Variants in SPTLC1 observed in about 807,000 individuals in gnomAD.
SPTLC1 encodes serine palmitoyltransferase long chain base subunit 1.
SPTLC1 carries 55 observed loss-of-function variants against 68.9 expected under a neutral mutation model. The ratio of observed to expected loss-of-function variants is 0.80; its 90% CI spans 0.64 to 1.00. The LOEUF (loss-of-function observed/expected upper bound fraction) is 1.00. SPTLC1 is among the 50% of genes least tolerant of loss of function. The pLI is 0.00. For missense variants in SPTLC1, 449 were observed against 573.1 expected (o/e 0.78, Z 2.21); for synonymous variants, 197 against 201.6 (o/e 0.98, Z 0.19).
At chr9:92,091,345 A>G (rs1835354245) in intron 3 of SPTLC1, among the ~76,000 whole-genome samples, 1 of 152,232 alleles carries the variant, frequency 6.6e-6, no homozygotes, top group African/African-American at 2.4e-5. Context: ...TTTGAGGGAT[A>G]GCAACATACA....
At chr9:92,075,517 C>CAGGGCT (rs1834651758) in intron 5 of SPTLC1, among the ~76,000 whole-genome samples, 1 of 152,210 alleles carries the variant, frequency 6.6e-6, no homozygotes, top group South Asian at 2.1e-4. Context: ...AGCAAAAACG[C>CAGGGCT]AGGGCTGCGC....
At chr9:92,083,159 G>A (rs1390117262) in intron 3 of SPTLC1, among the ~76,000 whole-genome samples, 1 of 151,780 alleles carries the variant, frequency 6.6e-6, no homozygotes, top group Non-Finnish European at 1.5e-5. Context: ...CAGATGAGTA[G>A]GTTGTGAAAA....
At position 92,046,931 on chromosome 9, in the gene SPTLC1, C is replaced by A. The variant is rs184371310; in HGVS notation, c.1081+241G>T. ...GCCCCTCGTCCTCCCAGCATCTCCACCCACTATCTGAGCTAGCCTTGCTTT... is the reference window on the plus strand; with the variant it reads ...GCCCCTCGTCCTCCCAGCATCTCCAACCACTATCTGAGCTAGCCTTGCTTT... On this transcript the variant is annotated intron_variant, in intron 11 of 14. Coordinates refer to ENST00000262554, the MANE Select transcript of SPTLC1 (RefSeq NM_006415.4). Among the ~76,000 whole-genome samples the A allele has an allele frequency of 2.0e-5, 3 of 152,344 alleles. No individual in the cohort carries two copies. The East Asian group carries it at 5.8e-4, about 29-fold the overall frequency.
At chr9:92,104,565 G>C in intron 3 of SPTLC1, 1 of 1,472,806 alleles carries the variant, frequency 6.8e-7, no homozygotes, top group Non-Finnish European at 9.2e-7. Flanking sequence ...AGCCCCGTGA[G>C]GATCTCTTGT....
intron 9 of SPTLC1, 50 bp from the exon 10 acceptor site, chr9:92,047,758 A>AT (rs1396482583): frequency 6.7e-6 from 9 of 1,351,050 alleles, no homozygotes; most frequent in Non-Finnish European, 9.5e-6. Flanking sequence ...AAGAAAAAAA[A>AT]GGCCAACTTC....
intron 3 of SPTLC1, among the ~76,000 whole-genome samples, chr9:92,083,794 T>C (rs1834996874): frequency 6.6e-6 from 1 of 152,050 alleles, no homozygotes; most frequent in Non-Finnish European, 1.5e-5. Flanking sequence ...ATTGGTAGCT[T>C]GATGGGGATG....
At chr9:92,077,061 C>T (rs1044054249) in intron 5 of SPTLC1, 1 of 152,152 alleles carries the variant, frequency 6.6e-6, no homozygotes, top group African/African-American at 2.4e-5. Context: ...AAGCCAAGGA[C>T]CTTTTAAAAA....
intron 13 of SPTLC1, among the ~76,000 whole-genome samples, chr9:92,037,888 C>T (rs1211444251): frequency 6.6e-6 from 1 of 152,194 alleles, no homozygotes; most frequent in African/African-American, 2.4e-5. Flanking sequence ...ATGCCTCCCC[C>T]AACTACACAT....
At chr9:92,107,454 A>G (rs1193138824) in intron 3 of SPTLC1, among the ~76,000 whole-genome samples, 1 of 152,222 alleles carries the variant, frequency 6.6e-6, no homozygotes, top group African/African-American at 2.4e-5. Flanking sequence ...CCAAACTATA[A>G]AAGATTGGTA....
chr9:92,103,669 G>A (rs1473536595), intron 3 of SPTLC1, among the ~76,000 whole-genome samples: 2 of 152,254 alleles, frequency 1.3e-5, no homozygotes, highest in African/African-American at 4.8e-5. Context: ...AGCAAGGCTG[G>A]TGGCCCTTGA....
intron 8 of SPTLC1, chr9:92,051,072 A>ACG: frequency 5.1e-6 from 5 of 985,106 alleles, no homozygotes; most frequent in Non-Finnish European, 6.0e-6. Context: ...CCTATAATAT[A>ACG]CGTCCTAGTA....
At chr9:92,049,373 T>C (rs979438854) in intron 9 of SPTLC1, among the ~76,000 whole-genome samples, 3 of 152,072 alleles carry the variant, frequency 2.0e-5, no homozygotes, top group East Asian at 3.9e-4. Context: ...CAAAACCCAC[T>C]AGGCACTGCG....
chr9:92,044,944 T>C (rs777199224), intron 12 of SPTLC1, among the ~76,000 whole-genome samples: 7 of 152,206 alleles, frequency 4.6e-5, no homozygotes, highest in South Asian at 2.1e-4. Context: ...GTTAACACCA[T>C]AGAGTGAAAG....
intron 5 of SPTLC1, among the ~76,000 whole-genome samples, chr9:92,071,597 C>A (rs1454865062): frequency 6.6e-6 from 1 of 152,166 alleles, no homozygotes; most frequent in South Asian, 2.1e-4. Context: ...CCCACTTACA[C>A]CTGAGAAAAC....
intron 11 of SPTLC1, 139 bp from the exon 12 acceptor site, chr9:92,046,192 C>T: frequency 1.3e-6 from 1 of 781,164 alleles, no homozygotes; most frequent in Non-Finnish European, 2.1e-6. Flanking sequence ...GCCAAGAACC[C>T]ATACTCCCCT....
chr9:92,049,898 A>G (rs1833649090), intron 9 of SPTLC1, 62 bp downstream of exon 9: 2 of 1,089,996 alleles, frequency 1.8e-6, no homozygotes, highest in African/African-American at 3.1e-5. Flanking sequence ...ATATAGGCCT[A>G]GCAGAATGGA....
intron 3 of SPTLC1, among the ~76,000 whole-genome samples, chr9:92,100,526 T>G (rs1835708415): frequency 6.6e-6 from 1 of 152,146 alleles, no homozygotes; most frequent in Non-Finnish European, 1.5e-5. Flanking sequence ...TGTGGACCGA[T>G]TACTGATTTA....
At chr9:92,086,058 T>C (rs1350969033) in intron 3 of SPTLC1, among the ~76,000 whole-genome samples, 3 of 151,780 alleles carry the variant, frequency 2.0e-5, no homozygotes, top group Admixed American at 6.6e-5. Context: ...GAGACTAGGA[T>C]TGCAACCCCT....
chr9:92,071,163 G>C (rs1484566077), intron 5 of SPTLC1, among the ~76,000 whole-genome samples: 3 of 150,582 alleles, frequency 2.0e-5, no homozygotes, highest in Non-Finnish European at 4.4e-5. Context: ...GCCGAGGCAG[G>C]AGGATCACCT....
Sources: allele counts gnomAD v4.1 joint callset (sites outside exome capture counted in the v4.1 genomes callset), GRCh38; gene constraint gnomAD v4.1.1; transcripts MANE v1.5; gene names NCBI Gene and HGNC (gene_info 2026-07-23, HGNC 2026-07-21).